LIMK1: variants seen among roughly 807,000 people sequenced by gnomAD.
LIMK1 encodes LIM motif-containing protein kinase.
Under a neutral mutation model 77.6 loss-of-function variants are expected in LIMK1, and 21 were observed. That is an observed-to-expected ratio of 0.27 (90% CI 0.19 to 0.39). The LOEUF (loss-of-function observed/expected upper bound fraction) is 0.39. Among genes scored for constraint, LIMK1 ranks in the 10% least tolerant of loss-of-function variants. The pLI is 1.00. For synonymous variants in LIMK1, 358 were observed against 370.0 expected (o/e 0.97, Z 0.37); for missense variants, 696 against 901.6 (o/e 0.77, Z 2.92).
intron 2 of LIMK1, among the ~76,000 whole-genome samples, 167 bp from the exon 3 acceptor site, chr7:74,096,455 C>T (rs534346532): frequency 3.5e-4 from 53 of 152,178 alleles, no homozygotes; most frequent in Non-Finnish European, 6.0e-4. Flanking sequence ...GAGCCGAGAT[C>T]GAGCCACTGC....
At chr7:74,090,913 T>A (rs2115630715) in intron 2 of LIMK1, among the ~76,000 whole-genome samples, 1 of 152,216 alleles carries the variant, frequency 6.6e-6, no homozygotes, top group African/African-American at 2.4e-5. Context: ...GGGTGCTATT[T>A]ATTTATTAAA....
At chr7:74,094,913 T>C (rs536696026) in intron 2 of LIMK1, among the ~76,000 whole-genome samples, 4 of 152,060 alleles carry the variant, frequency 2.6e-5, no homozygotes, top group African/African-American at 9.6e-5. Flanking sequence ...GATGCACCCC[T>C]CACCCACATG....
intron 13 of LIMK1, among the ~76,000 whole-genome samples, chr7:74,119,014 G>A (rs1584134883): frequency 6.6e-6 from 1 of 151,880 alleles, no homozygotes; most frequent in East Asian, 1.9e-4. Context: ...TCCTGCCTCA[G>A]CCTCCCACGT....
chr7:74,109,020 G>T lies in LIMK1; in HGVS notation c.1268G>T (p.Gly423Val). The T allele has an allele frequency of 6.2e-7, 1 of 1,613,488 alleles. No homozygotes were observed. The highest frequency in any genetic ancestry group is 8.5e-7 in the Non-Finnish European group (1 of 1,179,754). The change falls in exon 10 of 16, where the codon GGC (glycine) becomes GTC (valine). Residue 423 changes from glycine (G) to valine (V), a missense_variant. Physicochemically the swap from Gly to Val is moderately radical, Grantham distance 109. This residue lies in a region of LIMK1 where 438 missense variants were observed against 602.3 expected (regional missense o/e 0.73). Transcript: ENST00000336180. ...TEYIKGGTLRGIIKSMDSQYP... is the reference protein window; with the variant it reads ...TEYIKGGTLRVIIKSMDSQYP... The stretch of plus-strand genomic sequence containing the variant: ...TACATCAAGGGCGGCACGCTCCGGG[G>T]CATCATCAAGAGCATGGTGAGTCCT...
rs1408796151 is a variant in LIMK1, at chr7:74,121,612, C to T, written c.*311C>T. The T allele has an allele frequency of 4.3e-5, 15 of 350,756 alleles. No homozygotes were observed. The highest frequency in any genetic ancestry group is 1.9e-4 in the African/African-American group (9 of 47,620). The allele number at this position is 350,756 out of a possible 1,614,324, so 21.7% of individuals were successfully genotyped here. The stretch of plus-strand genomic sequence containing the variant: ...TGTGTGAGTTACGCCCCTTTCCACA[C>T]GCCGCTGCCCCAGCAACCCTGTTCA... On this transcript the variant is annotated 3_prime_UTR_variant, in exon 16 of 16. Transcript: ENST00000336180.
chr7:74,110,213 A>G (rs1473688441), intron 10 of LIMK1: 1 of 152,144 alleles, frequency 6.6e-6, no homozygotes, highest in Non-Finnish European at 1.5e-5. Flanking sequence ...AAAATTAGCC[A>G]AATGTGGTGA....
intron 12 of LIMK1, chr7:74,115,438 G>C (rs1204243349): frequency 9.7e-6 from 2 of 206,608 alleles, no homozygotes; most frequent in East Asian, 2.3e-4. Context: ...AAAAACAAAA[G>C]AATTCCTGTC....
In LIMK1 at chr7:74,085,827, G is replaced by T; in HGVS notation, c.135G>T (p.Trp45Cys). ...ACCTCCAGGCCCTGAACGCGGACTG[G>T]CACGCAGACTGCTTCAGGTAGGGTG... ...GQYLQALNAD[W>C]HADCFRCCDC... Residue 45 changes from tryptophan to cysteine, a missense_variant, in exon 2 of 16, where the codon TGG (tryptophan) becomes TGT (cysteine). Transcript: ENST00000336180. 1 of 1,556,336 alleles carries T rather than the reference G, an allele frequency of 6.4e-7. No individual in the cohort carries two copies.
chr7:74,090,799 T>A (rs1337698812), intron 2 of LIMK1, among the ~76,000 whole-genome samples: 1 of 152,208 alleles, frequency 6.6e-6, no homozygotes, highest in African/African-American at 2.4e-5. Context: ...CCCCTCTGCA[T>A]GCCCCTCCCA....
Position 74,096,672 on chromosome 7 carries a change from G to A in LIMK1, c.203G>A (p.Gly68Glu), listed in dbSNP as rs782430641. The change falls in exon 3 of 16, where the codon GGG becomes GAG. Residue 68 changes from glycine (G) to glutamate (E), a missense_variant. Gly to Glu is a moderately conservative substitution (Grantham distance 98). Transcript: ENST00000336180. ...SLSHQYYEKD[G>E]QLFCKKDYWA... ...TCGCACCAGTACTATGAGAAGGATG[G>A]GCAGCTCTTCTGCAAGAAGGACTAC... 1 of 1,614,064 alleles carries A rather than the reference G, an allele frequency of 6.2e-7. No homozygotes were observed. Among genetic ancestry groups the A allele is most frequent in the South Asian group, 1.1e-5 (1 of 91,088 alleles).
At position 74,111,502 on chromosome 7, in the gene LIMK1, A is replaced by G. The variant is rs562006797; in HGVS notation, c.1285-146A>G. ...TGACTCATACTCCTTAGAAGCAGAC[A>G]GTTGTGGGTGCCCGAAGAAATCGGG... On this transcript the variant is annotated intron_variant, in intron 10 of 15. Coordinates refer to ENST00000336180, the MANE Select transcript of LIMK1 (RefSeq NM_002314.4). 12 of 673,528 alleles carry G rather than the reference A, an allele frequency of 1.8e-5. No homozygotes were observed. The East Asian group carries it at 3.0e-4, about 17-fold the overall frequency. 41.7% of individuals were successfully genotyped at this position (673,528 alleles called of 1,614,324 possible).
rs1554698112 is a variant in LIMK1, at chr7:74,108,911, G to A, written c.1159G>A (p.Val387Ile). 1 of 1,613,662 alleles carries A rather than the reference G, an allele frequency of 6.2e-7. No individual in the cohort carries two copies. The highest frequency in any genetic ancestry group is 8.5e-7 in the Non-Finnish European group (1 of 1,179,750). ...CCTGTTTGTGCCCCGCCAGGTGAAG[G>A]TCATGCGATGCCTGGAACACCCCAA... The part of the protein sequence containing the change: ...TQRTFLKEVK[V>I]MRCLEHPNVL... Residue 387 changes from valine to isoleucine, a missense_variant, in exon 10 of 16, where the codon GTC (valine) becomes ATC (isoleucine). Around this residue, in one of 3 missense-constraint regions of LIMK1, gnomAD observed 438 missense variants for 602.3 expected, o/e 0.73. Coordinates refer to ENST00000336180, the MANE Select transcript of LIMK1 (RefSeq NM_002314.4).
intron 2 of LIMK1, chr7:74,094,215 G>A (rs539260958): frequency 6.6e-6 from 1 of 152,442 alleles, no homozygotes; most frequent in East Asian, 1.9e-4. Flanking sequence ...CCTAGTGTCT[G>A]GTAGAACAGG....
chr7:74,105,435 C>T (rs539875918), intron 5 of LIMK1, among the ~76,000 whole-genome samples: 3 of 151,536 alleles, frequency 2.0e-5, no homozygotes, highest in African/African-American at 7.3e-5. Context: ...ATCGCTTGAA[C>T]TCAGGAGGCA....
intron 2 of LIMK1, chr7:74,093,156 A>G: frequency 2.0e-6 from 3 of 1,506,634 alleles, no homozygotes; most frequent in Non-Finnish European, 2.7e-6. Context: ...TGCAGCCTCC[A>G]ATCCTGAGCC....
intron 13 of LIMK1, among the ~76,000 whole-genome samples, chr7:74,118,518 G>A (rs985583266): frequency 2.0e-5 from 3 of 152,024 alleles, no homozygotes; most frequent in Middle Eastern, 3.4e-3. Flanking sequence ...TTGGGAGGCC[G>A]AGGCAGGTGG....
Position 74,109,014 on chromosome 7 carries a change from T to C in LIMK1, c.1262T>C (p.Leu421Pro). ...ACTGAGTACATCAAGGGCGGCACGC[T>C]CCGGGGCATCATCAAGAGCATGGTG... ...FITEYIKGGT[L>P]RGIIKSMDSQ... The change falls in exon 10 of 16, where the codon CTC becomes CCC. Residue 421 changes from leucine (L) to proline (P), a missense_variant. Leu to Pro is a moderately conservative substitution (Grantham distance 98). Coordinates refer to ENST00000336180, the MANE Select transcript of LIMK1 (RefSeq NM_002314.4). 1 of 1,613,790 alleles carries C rather than the reference T, an allele frequency of 6.2e-7. No homozygotes were observed. The highest frequency in any genetic ancestry group is 8.5e-7 in the Non-Finnish European group (1 of 1,179,910).
rs782641633 is a variant in LIMK1, at chr7:74,111,606, G to C, written c.1285-42G>C. 7 of 1,575,184 alleles carry C rather than the reference G, an allele frequency of 4.4e-6. No homozygotes were observed. The Admixed American group carries it at 1.1e-4, about 24-fold the overall frequency. On this transcript the variant is annotated intron_variant, in intron 10 of 15. Coordinates refer to ENST00000336180, the MANE Select transcript of LIMK1 (RefSeq NM_002314.4). The stretch of plus-strand genomic sequence containing the variant: ...TCATGCAACCATCCCTGCCATCGGG[G>C]CCCCCACCGGCCCCACCCTGGCCAT...
chr7:74,091,743 C>T (rs1554694811), intron 2 of LIMK1, among the ~76,000 whole-genome samples: 1 of 152,042 alleles, frequency 6.6e-6, no homozygotes, highest in Non-Finnish European at 1.5e-5. Flanking sequence ...TGGGGGACAG[C>T]ACTCTCAGGA....
Sources: gnomAD v4.1 joint callset for allele counts (sites outside exome capture counted in the v4.1 genomes callset) on GRCh38, gnomAD v4.1.1 for gene constraint, gnomAD v4.1.1 regional missense constraint, MANE v1.5 for transcripts, NCBI Gene and HGNC (gene_info 2026-07-23, HGNC 2026-07-21) for gene names.